Variants in CARM1 observed in about 807,000 individuals in gnomAD.
CARM1 encodes the protein histone-arginine methyltransferase CARM1.
In CARM1, 14 loss-of-function variants were observed where a neutral mutation model predicts 72.7. That is an observed-to-expected ratio of 0.19 (90% CI 0.13 to 0.30). CARM1 has a LOEUF of 0.30. CARM1 is among the 10% of genes least tolerant of loss of function. CARM1 has a pLI of 1.00. For missense variants in CARM1, 432 were observed against 833.7 expected, an observed-to-expected ratio of 0.52 and a Z score of 5.93; for synonymous variants, 333 against 345.5, an observed-to-expected ratio of 0.96 and a Z score of 0.40.
At chr19:10,904,111 G>C (rs914974305) in intron 1 of CARM1, among the ~76,000 whole-genome samples, 1 of 152,228 alleles carries the variant, frequency 6.6e-6, no homozygotes, top group East Asian at 1.9e-4. Flanking sequence ...CTCTGGAATA[G>C]CTCCCACCGT....
chr19:10,905,207 A>G (rs2074094006), intron 2 of CARM1, 131 bp downstream of exon 2: 1 of 1,099,454 alleles, frequency 9.1e-7, no homozygotes, highest in Admixed American at 2.3e-5. Flanking sequence ...TCAAAACCAC[A>G]TTCCCACATG....
In CARM1 at chr19:10,920,051, T is replaced by G; in HGVS notation, c.1196+85T>G. 9.7e-7 allele frequency: 1 copy of G among 1,028,376 alleles called. No individual in the cohort carries two copies. Among genetic ancestry groups the G allele is most frequent in the Non-Finnish European group, 1.5e-6 (1 of 665,016 alleles). The allele number at this position is 1,028,376 out of a possible 1,614,324, so 63.7% of individuals were successfully genotyped here. A position where few individuals can be genotyped will look rare whatever the true frequency, so the allele number is the denominator to read the frequency against. On this transcript the variant is annotated intron_variant, in intron 10 of 15. Transcript: ENST00000327064. This position sits in a 1 kb window ranked among gnomAD's most constrained non-coding sequence, Gnocchi z 5.3. ...GCAACCTGGCTGGGGGGGTGGAACA[T>G]GGCTCCAGGTTCCACCATCCCTTCC...
At chr19:10,897,840 TC>T (rs1191598605) in intron 1 of CARM1, among the ~76,000 whole-genome samples, 1 of 152,098 alleles carries the variant, frequency 6.6e-6, no homozygotes, top group Non-Finnish European at 1.5e-5. Flanking sequence ...ATGCGGTGGC[TC>T]ACTCCTGTAA....
Position 10,919,656 on chromosome 19 carries a change from A to G in CARM1, c.1082A>G (p.Glu361Gly), listed in dbSNP as rs772780921. Reference protein sequence around the residue: ...KSVKYTVNFLEAKEGDLHRIE... With the variant: ...KSVKYTVNFLGAKEGDLHRIE... Reference sequence around the variant, plus strand: ...GTCAAGTACACGGTGAACTTCTTAGAAGCCAAAGAAGGAGATTTGCACAGG... The same window carrying G: ...GTCAAGTACACGGTGAACTTCTTAGGAGCCAAAGAAGGAGATTTGCACAGG... Residue 361 changes from glutamate to glycine, a missense_variant, in exon 9 of 16, where the codon GAA (glutamate) becomes GGA (glycine). Glu to Gly is a moderately conservative substitution (Grantham distance 98). Coordinates refer to ENST00000327064, the MANE Select transcript of CARM1 (RefSeq NM_199141.2). 2.5e-6 allele frequency: 4 copies of G among 1,613,914 alleles called. No homozygotes were observed. The highest frequency in any genetic ancestry group is 3.4e-6 in the Non-Finnish European group (4 of 1,179,756).
At position 10,912,418 on chromosome 19, in the gene CARM1, T is replaced by TA; in HGVS notation, c.669+124_669+125insA. The TA allele has an allele frequency of 1.4e-6, 1 of 695,714 alleles. No homozygotes were observed. Among genetic ancestry groups the TA allele is most frequent in the Non-Finnish European group, 2.5e-6 (1 of 393,762 alleles). 43.1% of individuals were successfully genotyped at this position (695,714 alleles called of 1,614,324 possible). Reference sequence around the variant, plus strand: ...ACATTACTTCTGTGCTTTGGTCTCTTTATTGTCCCCAAGACAGTCATTTCA... The same window carrying TA: ...ACATTACTTCTGTGCTTTGGTCTCTTATATTGTCCCCAAGACAGTCATTTCA... On this transcript the variant is annotated intron_variant, in intron 5 of 15. Coordinates refer to ENST00000327064, the MANE Select transcript of CARM1 (RefSeq NM_199141.2). This position sits in a 1 kb window ranked among gnomAD's most constrained non-coding sequence, Gnocchi z 4.5.
chr19:10,905,666 T>C (rs188953902), intron 2 of CARM1, among the ~76,000 whole-genome samples: 2 of 152,244 alleles, frequency 1.3e-5, no homozygotes, highest in Admixed American at 1.3e-4. Context: ...CAGGTGCTGG[T>C]GCGAGGACAG....
chr19:10,902,589 G>A (rs140931572), intron 1 of CARM1, among the ~76,000 whole-genome samples: 4 of 149,090 alleles, frequency 2.7e-5, no homozygotes, highest in South Asian at 2.1e-4. Context: ...GATTACAGGC[G>A]TGAGCCACTG....
At chr19:10,876,591 C>T (rs572051446) in intron 1 of CARM1, among the ~76,000 whole-genome samples, 21 of 152,386 alleles carry the variant, frequency 1.4e-4, no homozygotes, top group Non-Finnish European at 2.8e-4. Flanking sequence ...GTCTCTGTCA[C>T]TCTGTAGTGA....
Position 10,916,385 on chromosome 19 carries a change from C to T in CARM1, c.848-22C>T, listed in dbSNP as rs2145240082. The T allele has an allele frequency of 6.4e-7, 1 of 1,558,398 alleles. No individual in the cohort carries two copies. On this transcript the variant is annotated intron_variant, in intron 6 of 15. Transcript: ENST00000327064. This position sits in a 1 kb window ranked among gnomAD's most constrained non-coding sequence, Gnocchi z 4.4. ...TGGGATGTGTCACCTGACGCCAGCA[C>T]CCCTCCCTGCCCCACTCCCAGGAAA... is the stretch of plus-strand genomic sequence containing the variant.
chr19:10,903,770 T>G (rs1402783622), intron 1 of CARM1, among the ~76,000 whole-genome samples: 3 of 152,134 alleles, frequency 2.0e-5, no homozygotes, highest in African/African-American at 7.2e-5. Context: ...GGTCTTGCTC[T>G]GTCACCCAGG....
At chr19:10,887,554 A>T (rs1023942981) in intron 1 of CARM1, among the ~76,000 whole-genome samples, 6 of 152,172 alleles carry the variant, frequency 3.9e-5, no homozygotes, top group Admixed American at 3.3e-4. Flanking sequence ...GGCCCAGGAC[A>T]TCCTGTGTCT....
intron 2 of CARM1, among the ~76,000 whole-genome samples, chr19:10,907,464 C>T (rs1296911796): frequency 2.0e-5 from 3 of 151,942 alleles, no homozygotes; most frequent in Non-Finnish European, 4.4e-5. Context: ...TTTAACGAGG[C>T]AGGGTCTTGT....
rs1169753102 is a variant in CARM1, at chr19:10,912,349, C to T, written c.669+55C>T. 2.0e-5 allele frequency: 26 copies of T among 1,330,172 alleles called. No homozygotes were observed. Among genetic ancestry groups the T allele is most frequent in the Non-Finnish European group, 2.3e-5 (21 of 925,912 alleles). 82.4% of individuals were successfully genotyped at this position (1,330,172 alleles called of 1,614,324 possible). Reference sequence around the variant, plus strand: ...TCGTCCTCGCCCATGAGTGCCATGCCGGCCCCAGCCTAGAGAAGCTTGGGA... The same window carrying T: ...TCGTCCTCGCCCATGAGTGCCATGCTGGCCCCAGCCTAGAGAAGCTTGGGA... On this transcript the variant is annotated intron_variant, in intron 5 of 15. Transcript: ENST00000327064. This position sits in a 1 kb window ranked among gnomAD's most constrained non-coding sequence, Gnocchi z 4.5.
chr19:10,908,201 TCACC>T, intron 3 of CARM1, 56 bp downstream of exon 3: 1 of 1,178,692 alleles, frequency 8.5e-7, no homozygotes, highest in Non-Finnish European at 1.3e-6. Context: ...CCCCTGCCAC[TCACC>T]CGCAGGAGGC....
chr19:10,909,088 A>G lies in CARM1; in HGVS notation c.454-15A>G, dbSNP rs2145227760. The G allele has an allele frequency of 6.2e-7, 1 of 1,600,146 alleles. No homozygotes were observed. Among genetic ancestry groups the G allele is most frequent in the Non-Finnish European group, 8.6e-7 (1 of 1,167,886 alleles). On this transcript the variant is annotated splice_polypyrimidine_tract_variant and intron_variant, in intron 3 of 15. Coordinates refer to ENST00000327064, the MANE Select transcript of CARM1 (RefSeq NM_199141.2). ...CCACCATGTGCCCCGTGCCATCGGT[A>G]TGTCTCTGTTCCAGTTTTATGGCTA...
At chr19:10,907,961 C>A in intron 2 of CARM1, 78 bp from the exon 3 acceptor site, 1 of 844,566 alleles carries the variant, frequency 1.2e-6, no homozygotes, top group Admixed American at 1.8e-5. Context: ...GACATACGGC[C>A]ATCCAGAACC....
At chr19:10,919,481 G>GT in intron 8 of CARM1, 114 bp from the exon 9 acceptor site, 1 of 758,054 alleles carries the variant, frequency 1.3e-6, no homozygotes, top group Non-Finnish European at 2.2e-6. Context: ...GAGCAAGCTC[G>GT]TTTTAGCTGC....
chr19:10,885,112 G>A (rs1339564288), intron 1 of CARM1, among the ~76,000 whole-genome samples: 1 of 152,192 alleles, frequency 6.6e-6, no homozygotes, highest in East Asian at 1.9e-4. Flanking sequence ...ACCACCCAAA[G>A]CCAGACATGG....
At chr19:10,890,692 CATAT>C (rs750471737) in intron 1 of CARM1, among the ~76,000 whole-genome samples, 28 of 145,928 alleles carry the variant, frequency 1.9e-4, no homozygotes, top group Non-Finnish European at 2.4e-4. Context: ...TATATACACA[CATAT>C]ATACACACAC....
Sources: gnomAD v4.1 joint callset for allele counts (sites outside exome capture counted in the v4.1 genomes callset) on GRCh38, gnomAD v4.1.1 for gene constraint, Gnocchi (gnomAD v3.1) non-coding constraint, MANE v1.5 for transcripts, NCBI Gene and HGNC (gene_info 2026-07-23, HGNC 2026-07-21) for gene names.